DDX60: variants seen among roughly 807,000 people sequenced by gnomAD.
DDX60 encodes the protein probable ATP-dependent RNA helicase DDX60.
A neutral mutation model predicts 212.8 loss-of-function variants in DDX60; 165 were observed. The ratio of observed to expected loss-of-function variants is 0.78; its 90% CI spans 0.68 to 0.88. The LOEUF is 0.88. DDX60 is among the 40% of genes least tolerant of loss of function. DDX60 has a pLI of 0.00. For missense variants in DDX60, 1,905 were observed against 2,003.9 expected, an observed-to-expected ratio of 0.95 and a Z score of 0.94; for synonymous variants, 703 against 685.3, an observed-to-expected ratio of 1.03 and a Z score of -0.40.
intron 22 of DDX60, among the ~76,000 whole-genome samples, chr4:168,264,268 G>C (rs1057007111): frequency 2.6e-5 from 4 of 152,078 alleles, no homozygotes; most frequent in African/African-American, 7.2e-5. Context: ...ATCAACATAT[G>C]TTCTTCAAAC....
At chr4:168,250,578 T>A (rs941480331) in intron 28 of DDX60, among the ~76,000 whole-genome samples, 3 of 149,060 alleles carry the variant, frequency 2.0e-5, no homozygotes, top group Non-Finnish European at 3.0e-5. Flanking sequence ...CAGGCTAGAG[T>A]GTGATGGCAT....
chr4:168,272,357 T>A (rs1309894646), intron 18 of DDX60, among the ~76,000 whole-genome samples: 1 of 152,176 alleles, frequency 6.6e-6, no homozygotes, highest in Non-Finnish European at 1.5e-5. Flanking sequence ...TGGTAGAAAA[T>A]CAGATTTGAA....
At chr4:168,291,017 C>T (rs773783916) in intron 8 of DDX60, among the ~76,000 whole-genome samples, 1 of 151,990 alleles carries the variant, frequency 6.6e-6, no homozygotes, top group Non-Finnish European at 1.5e-5. Context: ...AAATCAATAA[C>T]CCCAAATTAA....
chr4:168,219,667 T>G (rs976093421), intron 37 of DDX60, among the ~76,000 whole-genome samples: 1 of 152,054 alleles, frequency 6.6e-6, no homozygotes, highest in African/African-American at 2.4e-5. Context: ...TGTGGCAAAT[T>G]AAATATATAA....
At position 168,251,691 on chromosome 4, in the gene DDX60, C is replaced by T. The variant is rs572488940; in HGVS notation, c.3706-585G>A. ...TTCAATTATGTATTCACTCACACAA[C>T]AGAATATCAAGTATTCATTAAAATG... On this transcript the variant is annotated intron_variant, in intron 27 of 37. Transcript: ENST00000393743. Among the ~76,000 whole-genome samples the T allele has an allele frequency of 2.0e-4, 30 of 152,194 alleles. No homozygotes were observed. The South Asian group carries it at 5.6e-3, about 28-fold the overall frequency.
intron 25 of DDX60, among the ~76,000 whole-genome samples, chr4:168,256,289 G>GA (rs1204120650): frequency 6.6e-5 from 10 of 151,692 alleles, no homozygotes; most frequent in Non-Finnish European, 1.0e-4. Context: ...CTAAAAATGA[G>GA]AAAAAAAAGA....
chr4:168,267,869 T>C lies in DDX60; in HGVS notation c.2901A>G (p.Gln967=). 2 of 1,612,754 alleles carry C rather than the reference T, an allele frequency of 1.2e-6. No individual in the cohort carries two copies. Among genetic ancestry groups the C allele is most frequent in the Non-Finnish European group, 1.7e-6 (2 of 1,179,306 alleles). The change falls in exon 21 of 38, where the codon CAA becomes CAG. Residue 967 remains glutamine, a synonymous_variant. Coordinates refer to ENST00000393743, the MANE Select transcript of DDX60 (RefSeq NM_017631.6). ...GTCTAACTTTATACGATTGTTTTAC[T>C]TGCAAGTAGTCTTTGGGAAAGCCGG... The part of the protein sequence containing the change: ...RQAGFPKDYL[Q]VKQSYKVRLV...
chr4:168,323,094 A>T (rs1737637743), upstream of DDX60, among the ~76,000 whole-genome samples: 1 of 152,182 alleles, frequency 6.6e-6, no homozygotes, highest in African/African-American at 2.4e-5. Flanking sequence ...AAGAGCCTCA[A>T]AGCAGCCTCA....
At chr4:168,267,036 G>A (rs9992784) in intron 22 of DDX60, among the ~76,000 whole-genome samples, 1,608 of 152,288 alleles carry the variant, frequency 0.011, 27 homozygotes, top group African/African-American at 0.035. Flanking sequence ...GGACTAGGAT[G>A]AGAGAGGAAG....
intron 30 of DDX60, among the ~76,000 whole-genome samples, chr4:168,241,012 C>T (rs970031593): frequency 6.6e-6 from 1 of 152,122 alleles, no homozygotes; most frequent in Non-Finnish European, 1.5e-5. Flanking sequence ...GCAGATCTTG[C>T]CCATGCAGTT....
chr4:168,237,266 A>G lies in DDX60; in HGVS notation c.4411+20T>C. ...TTTTGGACTCTCTCTCTACATATAT[A>G]TATAAAATCTCAAGCTTACCTTTCC... On this transcript the variant is annotated intron_variant, in intron 32 of 37. Coordinates refer to ENST00000393743, the MANE Select transcript of DDX60 (RefSeq NM_017631.6). The G allele has an allele frequency of 2.0e-6, 3 of 1,494,676 alleles. No homozygotes were observed. The highest frequency in any genetic ancestry group is 5.0e-5 in the East Asian group (2 of 40,332). The allele number at this position is 1,494,676 out of a possible 1,614,324, so 92.6% of individuals were successfully genotyped here. A position where few individuals can be genotyped will look rare whatever the true frequency, so the allele number is the denominator to read the frequency against.
chr4:168,278,240 T>C (rs1475110782), intron 14 of DDX60, among the ~76,000 whole-genome samples: 4 of 152,244 alleles, frequency 2.6e-5, no homozygotes, highest in Non-Finnish European at 5.9e-5. Flanking sequence ...CAATCTTTTA[T>C]CCATGAAGTT....
chr4:168,243,910 A>G (rs1733935862), intron 30 of DDX60, among the ~76,000 whole-genome samples: 1 of 152,220 alleles, frequency 6.6e-6, no homozygotes, highest in Non-Finnish European at 1.5e-5. Context: ...TACACCATGG[A>G]ATACTATGCA....
chr4:168,269,005 G>T, intron 19 of DDX60, 36 bp from the exon 20 acceptor site: 1 of 1,242,920 alleles, frequency 8.0e-7, no homozygotes, highest in Non-Finnish European at 1.1e-6. Flanking sequence ...CAACTGAAAA[G>T]TTGATTTAAA....
chr4:168,267,215 G>A (rs1426900618), intron 22 of DDX60, among the ~76,000 whole-genome samples: 1 of 152,130 alleles, frequency 6.6e-6, no homozygotes, highest in Non-Finnish European at 1.5e-5. Flanking sequence ...ACTAGGGATT[G>A]TCTACATATA....
At chr4:168,237,662 T>C in intron 31 of DDX60, 29 bp downstream of exon 31, 3 of 1,567,824 alleles carry the variant, frequency 1.9e-6, no homozygotes, top group Non-Finnish European at 2.6e-6. Flanking sequence ...TAATGCTATT[T>C]CCCAAAACAA....
chr4:168,309,179 C>G (rs1169422362), intron 3 of DDX60, among the ~76,000 whole-genome samples: 1 of 152,138 alleles, frequency 6.6e-6, no homozygotes, highest in Admixed American at 6.5e-5. Context: ...TCTCCAAACA[C>G]AATAAAAAGT....
In DDX60 at chr4:168,237,385, G is replaced by C; in HGVS notation, c.4312C>G (p.Leu1438Val). ...TCATGATAATGCAAATGTGATACAA[G>C]TCCAGCAAACCCCATAGGATTACCT... is the stretch of plus-strand genomic sequence containing the variant. ...QEGNPMGFAGLVSHLHYHEPS... is the reference protein window; with the variant it reads ...QEGNPMGFAGVVSHLHYHEPS... The change falls in exon 32 of 38, where the codon CTT becomes GTT. Residue 1438 changes from leucine (L) to valine (V), a missense_variant. Coordinates refer to ENST00000393743, the MANE Select transcript of DDX60 (RefSeq NM_017631.6). 6.3e-7 allele frequency: 1 copy of C among 1,598,262 alleles called. No individual in the cohort carries two copies. Among genetic ancestry groups the C allele is most frequent in the Non-Finnish European group, 8.5e-7 (1 of 1,172,998 alleles).
intron 30 of DDX60, among the ~76,000 whole-genome samples, chr4:168,239,375 AAGAT>A (rs60160375): frequency 0.064 from 9,589 of 148,824 alleles, 429 homozygotes; most frequent in East Asian, 0.19. Flanking sequence ...TGATAGAAGG[AAGAT>A]AGATAGATAG....
Sources: allele counts gnomAD v4.1 joint callset (sites outside exome capture counted in the v4.1 genomes callset), GRCh38; gene constraint gnomAD v4.1.1; transcripts MANE v1.5; gene names NCBI Gene and HGNC (gene_info 2026-07-23, HGNC 2026-07-21).